Variants in GRIA4 observed in about 807,000 individuals in gnomAD.
GRIA4 encodes the protein glutamate ionotropic receptor AMPA type subunit 4.
In GRIA4, 34 loss-of-function variants were observed where a neutral mutation model predicts 104.0. That is an observed-to-expected ratio of 0.33 (90% CI 0.25 to 0.44). The LOEUF (loss-of-function observed/expected upper bound fraction) is 0.44. Among genes scored for constraint, GRIA4 ranks in the 20% least tolerant of loss-of-function variants. The pLI is 1.00. For missense variants in GRIA4, 750 were observed against 1,096.5 expected (o/e 0.68, Z 4.46); for synonymous variants, 386 against 381.9 (o/e 1.01, Z -0.13).
intron 3 of GRIA4, among the ~76,000 whole-genome samples, chr11:105,723,117 G>A (rs982077903): frequency 2.6e-5 from 4 of 151,786 alleles, no homozygotes; most frequent in African/African-American, 4.8e-5. Flanking sequence ...AGGAAAGGGG[G>A]AAAAAACCCT....
At chr11:105,864,235 G>T (rs1051065225) in intron 5 of GRIA4, among the ~76,000 whole-genome samples, 1 of 152,080 alleles carries the variant, frequency 6.6e-6, no homozygotes, top group East Asian at 1.9e-4. Flanking sequence ...TGTTGTTGTT[G>T]TTTACTATCT....
intron 3 of GRIA4, among the ~76,000 whole-genome samples, chr11:105,641,768 C>T (rs1951367312): frequency 6.6e-6 from 1 of 152,160 alleles, no homozygotes; most frequent in Non-Finnish European, 1.5e-5. Context: ...AGCAGTGTTA[C>T]TAGTAGTCTA....
chr11:105,942,478 A>T (rs965589005), intron 14 of GRIA4, among the ~76,000 whole-genome samples: 7 of 151,936 alleles, frequency 4.6e-5, no homozygotes, highest in East Asian at 3.9e-4. Context: ...ATATATATAT[A>T]TTTTTCACAT....
chr11:105,715,938 GAA>G (rs944302920), intron 3 of GRIA4, among the ~76,000 whole-genome samples: 1 of 152,152 alleles, frequency 6.6e-6, no homozygotes, highest in Non-Finnish European at 1.5e-5. Flanking sequence ...TGCCCAACGG[GAA>G]AGACTTAATC....
At chr11:105,678,305 A>G (rs531550646) in intron 3 of GRIA4, among the ~76,000 whole-genome samples, 8 of 152,156 alleles carry the variant, frequency 5.3e-5, no homozygotes, top group African/African-American at 1.9e-4. Context: ...CATTGATTAC[A>G]ATGTTTTCCT....
At chr11:105,965,381 G>C (rs1358772917) in intron 14 of GRIA4, among the ~76,000 whole-genome samples, 1 of 141,838 alleles carries the variant, frequency 7.1e-6, no homozygotes, top group Non-Finnish European at 1.6e-5. Context: ...CTACCATGTA[G>C]CTTCTAGTCC....
At chr11:105,850,241 T>C (rs574979413) in intron 4 of GRIA4, among the ~76,000 whole-genome samples, 1 of 152,356 alleles carries the variant, frequency 6.6e-6, no homozygotes, top group South Asian at 2.1e-4. Context: ...TAAGTTATTG[T>C]AGACTTTTTT....
At chr11:105,726,201 T>C (rs1416502892) in intron 3 of GRIA4, among the ~76,000 whole-genome samples, 1 of 151,902 alleles carries the variant, frequency 6.6e-6, no homozygotes, top group Non-Finnish European at 1.5e-5. Context: ...TCGAGCTTGG[T>C]GGGGAGAGGG....
chr11:105,626,878 C>T (rs972923661), intron 3 of GRIA4, among the ~76,000 whole-genome samples: 2 of 152,108 alleles, frequency 1.3e-5, no homozygotes, highest in East Asian at 1.9e-4. Flanking sequence ...AAATGTAATA[C>T]TGATTTATGG....
chr11:105,850,212 C>A lies in GRIA4; in HGVS notation c.488-11812C>A, dbSNP rs1195327887. On this transcript the variant is annotated intron_variant, in intron 4 of 16. Coordinates refer to ENST00000282499, the MANE Select transcript of GRIA4 (RefSeq NM_000829.4). ...TCCTCTTGATAATACAAACTTGGTTCCAATTTGTTACAGTTATATAAGTTA... is the reference window on the plus strand; with the variant it reads ...TCCTCTTGATAATACAAACTTGGTTACAATTTGTTACAGTTATATAAGTTA... Among the ~76,000 whole-genome samples the A allele has an allele frequency of 2.0e-5, 3 of 152,100 alleles. No homozygotes were observed. The South Asian group carries it at 6.2e-4, about 32-fold the overall frequency.
chr11:105,951,647 T>A (rs1948459606), intron 14 of GRIA4, among the ~76,000 whole-genome samples: 1 of 151,984 alleles, frequency 6.6e-6, no homozygotes, highest in African/African-American at 2.4e-5. Flanking sequence ...CTTTTCACAT[T>A]TTTTTTTAAA....
At chr11:105,906,823 C>T (rs1005324571) in intron 9 of GRIA4, among the ~76,000 whole-genome samples, 3 of 152,026 alleles carry the variant, frequency 2.0e-5, no homozygotes, top group African/African-American at 7.2e-5. Flanking sequence ...CAGCCAGCAA[C>T]AAAAAAGAGG....
rs1591539586 is a variant in GRIA4 at position 105,672,816 on chromosome 11, G to T, written c.247+60382G>T. Among the ~76,000 whole-genome samples the T allele has an allele frequency of 2.0e-5, 3 of 151,894 alleles. No homozygotes were observed. The East Asian group carries it at 5.8e-4, about 29-fold the overall frequency. On this transcript the variant is annotated intron_variant, in intron 3 of 16. Transcript: ENST00000282499. ...CTGAGGATTCAGTATTTTAAAAACA[G>T]AATTACTTTTCCAAACTTTATGACT...
At chr11:105,871,682 GA>G (rs201256028) in intron 5 of GRIA4, among the ~76,000 whole-genome samples, 7 of 149,820 alleles carry the variant, frequency 4.7e-5, no homozygotes, top group African/African-American at 9.8e-5. Context: ...ACTCAAATGT[GA>G]AAAAAAAATC....
intron 5 of GRIA4, among the ~76,000 whole-genome samples, chr11:105,866,740 TA>T (rs1945435319): frequency 6.6e-6 from 1 of 151,730 alleles, no homozygotes; most frequent in African/African-American, 2.4e-5. Context: ...ATACATTATG[TA>T]GAAAGTGATA....
At chr11:105,791,784 T>C (rs1470380778) in intron 4 of GRIA4, among the ~76,000 whole-genome samples, 4 of 152,214 alleles carry the variant, frequency 2.6e-5, no homozygotes, top group Non-Finnish European at 5.9e-5. Context: ...TGAATTTGAA[T>C]GTCCATTTGA....
At chr11:105,718,393 A>G (rs1424292447) in intron 3 of GRIA4, among the ~76,000 whole-genome samples, 1 of 152,142 alleles carries the variant, frequency 6.6e-6, no homozygotes, top group African/African-American at 2.4e-5. Context: ...AAAGGTACCA[A>G]TATTATCGTA....
intron 3 of GRIA4, among the ~76,000 whole-genome samples, chr11:105,696,346 A>G (rs977868582): frequency 6.6e-6 from 1 of 152,190 alleles, no homozygotes; most frequent in Non-Finnish European, 1.5e-5. Flanking sequence ...GCGATGTCTT[A>G]TTCTCATTAT....
chr11:105,766,303 T>C (rs985590158), intron 4 of GRIA4, among the ~76,000 whole-genome samples: 1 of 152,186 alleles, frequency 6.6e-6, no homozygotes. Context: ...GATATGTCTA[T>C]GAAGAAAAGA....
Sources: allele counts gnomAD v4.1 joint callset (sites outside exome capture counted in the v4.1 genomes callset), GRCh38; gene constraint gnomAD v4.1.1; transcripts MANE v1.5; gene names NCBI Gene and HGNC (gene_info 2026-07-23, HGNC 2026-07-21).